Variants in GLRA3 observed in about 807,000 individuals in gnomAD.
The protein encoded by GLRA3 is glycine receptor subunit alpha-3.
A neutral mutation model predicts 60.4 loss-of-function variants in GLRA3; 44 were observed. The ratio of observed to expected loss-of-function variants is 0.73; its 90% CI spans 0.57 to 0.94. The LOEUF (loss-of-function observed/expected upper bound fraction) is 0.94. Among genes scored for constraint, GLRA3 ranks in the 40% least tolerant of loss-of-function variants. The probability of loss-of-function intolerance (pLI) is 0.00; values close to 1 mark genes in which losing one functional copy is unlikely to be tolerated. For missense variants in GLRA3, 508 were observed against 564.6 expected (o/e 0.90, Z 1.02); for synonymous variants, 223 against 192.9 (o/e 1.16, Z -1.29).
At chr4:174,668,926 C>A (rs1733793299) in intron 7 of GLRA3, among the ~76,000 whole-genome samples, 1 of 152,080 alleles carries the variant, frequency 6.6e-6, no homozygotes, top group Non-Finnish European at 1.5e-5. Flanking sequence ...AACATTCAAT[C>A]CTGGTGGATT....
intron 3 of GLRA3, among the ~76,000 whole-genome samples, chr4:174,758,657 T>C (rs1251251653): frequency 1.3e-5 from 2 of 152,136 alleles, no homozygotes; most frequent in Non-Finnish European, 2.9e-5. Context: ...TCAATATTTG[T>C]TCACAAATGT....
intron 7 of GLRA3, among the ~76,000 whole-genome samples, chr4:174,672,362 G>A (rs1252229007): frequency 6.6e-6 from 1 of 152,138 alleles, no homozygotes; most frequent in African/African-American, 2.4e-5. Context: ...AGGTAGATAA[G>A]ATTATTTACA....
intron 3 of GLRA3, among the ~76,000 whole-genome samples, chr4:174,766,537 T>C (rs1467115804): frequency 1.3e-5 from 2 of 152,098 alleles, no homozygotes; most frequent in Non-Finnish European, 2.9e-5. Context: ...TATAATGTTT[T>C]GGCAAATACC....
chr4:174,721,812 A>AAT (rs5864287), intron 4 of GLRA3, among the ~76,000 whole-genome samples: 145,083 of 151,730 alleles, frequency 0.96, 69,694 homozygotes, highest in East Asian at 1. Flanking sequence ...TATATGAAAA[A>AAT]ATATGTGTGT....
intron 1 of GLRA3, among the ~76,000 whole-genome samples, chr4:174,793,640 C>T (rs1739451571): frequency 6.6e-6 from 1 of 151,932 alleles, no homozygotes; most frequent in Non-Finnish European, 1.5e-5. Context: ...AATCCTCCTA[C>T]CTTGGCCTGC....
intron 5 of GLRA3, among the ~76,000 whole-genome samples, chr4:174,697,872 C>T (rs1035601299): frequency 2.6e-5 from 4 of 152,022 alleles, no homozygotes; most frequent in African/African-American, 9.7e-5. Context: ...ATGACCTGAC[C>T]CTGAGCCCAT....
At position 174,659,101 on chromosome 4, in the gene GLRA3, T is replaced by G; in HGVS notation, c.1024A>C (p.Arg342=). The change falls in exon 8 of 10, where the codon AGA becomes CGA. Residue 342 remains arginine, a synonymous_variant. Coordinates refer to ENST00000274093, the MANE Select transcript of GLRA3 (RefSeq NM_006529.4). ...LEYAAVNFVS[R]QHKELLRFRR... is the part of the protein sequence containing the mutation. ...AATCTCAGAAGTTCTTTGTGTTGTC[T>G]TGATACAAAATTTACAGCTGCATAC... 2 of 1,613,106 alleles carry G rather than the reference T, an allele frequency of 1.2e-6. No homozygotes were observed. The highest frequency in any genetic ancestry group is 1.7e-6 in the Non-Finnish European group (2 of 1,179,256).
At chr4:174,752,232 T>C (rs1354022501) in intron 3 of GLRA3, among the ~76,000 whole-genome samples, 1 of 152,128 alleles carries the variant, frequency 6.6e-6, no homozygotes, top group African/African-American at 2.4e-5. Context: ...TGAGTGATCA[T>C]TGAAAGACGG....
In GLRA3 at chr4:174,748,596, G is replaced by T. The variant is rs189725234; in HGVS notation, c.267+18367C>A. Among the ~76,000 whole-genome samples the T allele has an allele frequency of 1.3e-4, 20 of 152,188 alleles. No homozygotes were observed. In the East Asian group the frequency reaches 3.9e-3, roughly 29 times the overall value. ...CAGGATTTGATGTAGAAAAAATTGG[G>T]AACTAATCTTATATAAAAGGAGGGA... On this transcript the variant is annotated intron_variant, in intron 3 of 9. Coordinates refer to ENST00000274093, the MANE Select transcript of GLRA3 (RefSeq NM_006529.4).
intron 3 of GLRA3, among the ~76,000 whole-genome samples, chr4:174,757,140 CAAAA>C (rs1356363853): frequency 6.6e-6 from 1 of 152,040 alleles, no homozygotes; most frequent in Non-Finnish European, 1.5e-5. Flanking sequence ...ATAGAAAATA[CAAAA>C]AATTGGAAAA....
intron 1 of GLRA3, among the ~76,000 whole-genome samples, chr4:174,818,241 C>T (rs72708281): frequency 0.083 from 12,686 of 152,126 alleles, 612 homozygotes; most frequent in South Asian, 0.11. Flanking sequence ...AATAAATGAG[C>T]TATTTCTTAT....
chr4:174,719,549 C>A (rs565599706), intron 4 of GLRA3, among the ~76,000 whole-genome samples: 53 of 151,960 alleles, frequency 3.5e-4, no homozygotes, highest in South Asian at 1.2e-3. Flanking sequence ...AGGAATTTCC[C>A]CAGAGATTTG....
chr4:174,784,264 C>T (rs1263691822), intron 2 of GLRA3, among the ~76,000 whole-genome samples: 1 of 118,034 alleles, frequency 8.5e-6, no homozygotes, highest in South Asian at 3.0e-4. Context: ...GGGAATTGAA[C>T]AATGAGATCA....
chr4:174,651,590 G>A (rs1733022559), intron 9 of GLRA3, among the ~76,000 whole-genome samples: 1 of 152,032 alleles, frequency 6.6e-6, no homozygotes, highest in Non-Finnish European at 1.5e-5. Context: ...AACCAAACTA[G>A]CACTAAAATA....
At chr4:174,828,043 C>CT in intron 1 of GLRA3, among the ~76,000 whole-genome samples, 2 of 152,170 alleles carry the variant, frequency 1.3e-5, no homozygotes, top group Middle Eastern at 6.8e-3. Flanking sequence ...CTCTTATACT[C>CT]TTTAAATTAT....
chr4:174,816,999 C>T (rs560394023), intron 1 of GLRA3, among the ~76,000 whole-genome samples: 1 of 152,108 alleles, frequency 6.6e-6, no homozygotes, highest in African/African-American at 2.4e-5. Flanking sequence ...ACGATCTGAC[C>T]ATGCTCCTTT....
chr4:174,798,228 G>A (rs1739646839), intron 1 of GLRA3, among the ~76,000 whole-genome samples: 1 of 152,120 alleles, frequency 6.6e-6, no homozygotes, highest in Admixed American at 6.5e-5. Context: ...CCTGAAGCAG[G>A]GAAGGTTTAG....
In GLRA3 at chr4:174,766,975, T is replaced by G; in HGVS notation, c.255A>C (p.Ala85=). 6.3e-7 allele frequency: 1 copy of G among 1,586,148 alleles called. No individual in the cohort carries two copies. Among genetic ancestry groups the G allele is most frequent in the Middle Eastern group, 1.7e-4 (1 of 5,988 alleles). ...NIFINSFGSI[A]ETTMDYRVNI... ...GTAAAATGCCTACCATGGTCGTCTC[T>G]GCGATAGAGCCAAAGCTGTTGATGA... Residue 85 remains alanine, a synonymous_variant, in exon 3 of 10, where the codon GCA becomes GCC. Transcript: ENST00000274093.
intron 2 of GLRA3, 42 bp from the exon 3 acceptor site, chr4:174,767,072 T>A (rs370949514): frequency 2.9e-6 from 3 of 1,019,088 alleles, no homozygotes; most frequent in East Asian, 2.4e-5. Flanking sequence ...TAGAGACTTA[T>A]CTAAAACATT....
Sources: allele counts gnomAD v4.1 joint callset (sites outside exome capture counted in the v4.1 genomes callset), GRCh38; gene constraint gnomAD v4.1.1; transcripts MANE v1.5; gene names NCBI Gene and HGNC (gene_info 2026-07-23, HGNC 2026-07-21).